Variants in PCDHGA1 observed in about 807,000 individuals in gnomAD.
PCDHGA1 encodes the protein protocadherin gamma subfamily A, 1, also known as protocadherin gamma-A1.
PCDHGA1 carries 32 observed loss-of-function variants against 58.0 expected under a neutral mutation model. The observed-to-expected ratio is 0.55, with a 90% CI of 0.42 to 0.74. The LOEUF is 0.74. PCDHGA1 is among the 30% of genes least tolerant of loss of function. The probability of loss-of-function intolerance (pLI) is 0.00; values close to 1 mark genes in which losing one functional copy is unlikely to be tolerated. For synonymous variants in PCDHGA1, 498 were observed against 501.1 expected, an observed-to-expected ratio of 0.99 and a Z score of 0.08; for missense variants, 1,205 against 1,182.3, an observed-to-expected ratio of 1.02 and a Z score of -0.28.
At chr5:141,355,857 C>G (rs567640077) in intron 1 of PCDHGA1, 4 of 1,612,456 alleles carry the variant, frequency 2.5e-6, no homozygotes, top group South Asian at 2.2e-5. Flanking sequence ...ATGGAGGTGA[C>G]CCGGTTCGCT....
At position 141,476,666 on chromosome 5, in the gene PCDHGA1, G is replaced by A. The variant is rs2099395856; in HGVS notation, c.2422-18141G>A. On this transcript the variant is annotated intron_variant, in intron 1 of 3. Coordinates refer to ENST00000517417, the MANE Select transcript of PCDHGA1 (RefSeq NM_018912.3). The surrounding 1 kb of genome is among the most constrained non-coding windows in gnomAD (Gnocchi z 7.6). The stretch of plus-strand genomic sequence containing the variant: ...CCGAAATGAATACTTTGCGCTTCGC[G>A]TGCAGACGCGGGAGGACAGCACCAA... 6.2e-7 allele frequency: 1 copy of A among 1,614,128 alleles called. No individual in the cohort carries two copies.
chr5:141,335,137 C>G (rs1756552068), intron 1 of PCDHGA1, among the ~76,000 whole-genome samples: 1 of 152,036 alleles, frequency 6.6e-6, no homozygotes, highest in Non-Finnish European at 1.5e-5. Context: ...TTGCTTGGTA[C>G]CAAGAGTATA....
chr5:141,421,817 T>A (rs375019903), intron 1 of PCDHGA1: 34 of 1,613,662 alleles, frequency 2.1e-5, no homozygotes, highest in Non-Finnish European at 2.8e-5. Context: ...GAGCTAGTAC[T>A]GGAGGGAAGC....
rs746903142 is a variant in PCDHGA1, at chr5:141,491,667, G to T, written c.2422-3140G>T. ...TGGCGCTGGAGCCTGACGCCATCCG[G>T]TCCCGCTCTAATACGCTGCGGGAGC... On this transcript the variant is annotated intron_variant, in intron 1 of 3. Coordinates refer to ENST00000517417, the MANE Select transcript of PCDHGA1 (RefSeq NM_018912.3). The surrounding 1 kb of genome is among the most constrained non-coding windows in gnomAD (Gnocchi z 6.9). 1.9e-6 allele frequency: 3 copies of T among 1,613,794 alleles called. No individual in the cohort carries two copies. Among genetic ancestry groups the T allele is most frequent in the Admixed American group, 1.7e-5 (1 of 60,032 alleles).
chr5:141,499,073 G>T (rs2099789305), intron 2 of PCDHGA1, among the ~76,000 whole-genome samples: 1 of 152,064 alleles, frequency 6.6e-6, no homozygotes, highest in Admixed American at 6.5e-5. Flanking sequence ...CTTACATTCT[G>T]AAGTTCCTGC....
At chr5:141,356,461 A>G in intron 1 of PCDHGA1, 2 of 1,613,614 alleles carry the variant, frequency 1.2e-6, no homozygotes, top group Non-Finnish European at 1.7e-6. Context: ...ATATAACATC[A>G]CTGTAACTGC....
intron 1 of PCDHGA1, chr5:141,424,478 G>A (rs953233220): frequency 3.3e-5 from 5 of 151,898 alleles, no homozygotes; most frequent in Admixed American, 6.6e-5. Context: ...CTTTTACTTT[G>A]GTGTCTGTGT....
intron 1 of PCDHGA1, chr5:141,343,874 C>CAGAA: frequency 1.7e-6 from 1 of 605,888 alleles, no homozygotes; most frequent in Non-Finnish European, 2.8e-6. Context: ...AAATCAGACT[C>CAGAA]AGAAGATCCG....
At chr5:141,459,237 C>T (rs1004453705) in intron 1 of PCDHGA1, among the ~76,000 whole-genome samples, 1 of 152,214 alleles carries the variant, frequency 6.6e-6, no homozygotes, top group Admixed American at 6.5e-5. Flanking sequence ...AACTGGTCTG[C>T]TTCCTGTCAC....
At chr5:141,372,341 A>T in intron 1 of PCDHGA1, 1 of 1,613,800 alleles carries the variant, frequency 6.2e-7, no homozygotes, top group Non-Finnish European at 8.5e-7. Context: ...TGCGTGATGG[A>T]GGACAGCAGC....
Position 141,485,444 on chromosome 5 carries a change from G to T in PCDHGA1, c.2422-9363G>T. 1 of 1,614,108 alleles carries T rather than the reference G, an allele frequency of 6.2e-7. No homozygotes were observed. The highest frequency in any genetic ancestry group is 8.5e-7 in the Non-Finnish European group (1 of 1,180,020). ...AGCCCTGCTCATCAAGAACCCAATC[G>T]ACCGAGAGGCACTGTGTGGGCTCAG... is the stretch of plus-strand genomic sequence containing the variant. On this transcript the variant is annotated intron_variant, in intron 1 of 3. Coordinates refer to ENST00000517417, the MANE Select transcript of PCDHGA1 (RefSeq NM_018912.3). This position sits in a 1 kb window ranked among gnomAD's most constrained non-coding sequence, Gnocchi z 5.7.
chr5:141,404,934 C>G, intron 1 of PCDHGA1: 1 of 1,613,986 alleles, frequency 6.2e-7, no homozygotes. Context: ...GTCACGCTCA[C>G]AGTAGCCATA....
chr5:141,354,620 T>G (rs1401414330), intron 1 of PCDHGA1, among the ~76,000 whole-genome samples: 1 of 152,218 alleles, frequency 6.6e-6, no homozygotes. Flanking sequence ...CCCACTGTCT[T>G]TTCACTTATC....
At chr5:141,374,785 T>A in intron 1 of PCDHGA1, 1 of 1,613,874 alleles carries the variant, frequency 6.2e-7, no homozygotes, top group Non-Finnish European at 8.5e-7. Context: ...CAGTTCTAGA[T>A]GTGAATGACA....
In PCDHGA1 at chr5:141,431,716, G is replaced by T; in HGVS notation, c.2422-63091G>T. On this transcript the variant is annotated intron_variant, in intron 1 of 3. Transcript: ENST00000517417. The surrounding 1 kb of genome is among the most constrained non-coding windows in gnomAD (Gnocchi z 4.8). ...AGTCAGGATTCTACCAGATGGAAGT[G>T]CAAGCAATGGATAATGCAGGATATT... 1 of 1,614,244 alleles carries T rather than the reference G, an allele frequency of 6.2e-7. No homozygotes were observed. Among genetic ancestry groups the T allele is most frequent in the Middle Eastern group, 1.6e-4 (1 of 6,062 alleles).
intron 1 of PCDHGA1, among the ~76,000 whole-genome samples, chr5:141,359,515 G>T (rs1048749535): frequency 6.7e-6 from 1 of 149,788 alleles, no homozygotes; most frequent in Non-Finnish European, 1.5e-5. Context: ...ACTATATTAT[G>T]GGCCACTAGA....
At chr5:141,378,382 G>C (rs1774857490) in intron 1 of PCDHGA1, 1 of 152,274 alleles carries the variant, frequency 6.6e-6, no homozygotes, top group South Asian at 2.1e-4. Context: ...AATTAGCCAG[G>C]TGGGGTGGCA....
At position 141,419,726 on chromosome 5, in the gene PCDHGA1, A is replaced by AC. The variant is rs757890106; in HGVS notation, c.2422-75080dup. On this transcript the variant is annotated intron_variant, in intron 1 of 3. Coordinates refer to ENST00000517417, the MANE Select transcript of PCDHGA1 (RefSeq NM_018912.3). ...CGGGCTCTTCAGCCTGGGGCTGCGA[A>AC]CAGGCGAGGTGCGCATGGTGCGTGC... 3.1e-6 allele frequency: 5 copies of AC among 1,613,402 alleles called. No individual in the cohort carries two copies. The Admixed American group carries it at 8.3e-5, about 27-fold the overall frequency.
intron 1 of PCDHGA1, chr5:141,419,377 C>A (rs2096371335): frequency 6.2e-7 from 1 of 1,613,572 alleles, no homozygotes; most frequent in African/African-American, 1.3e-5. Flanking sequence ...CCTACGTGTC[C>A]GTGAGCGCGC....
Sources: allele counts gnomAD v4.1 joint callset (sites outside exome capture counted in the v4.1 genomes callset), GRCh38; gene constraint gnomAD v4.1.1; non-coding constraint Gnocchi (gnomAD v3.1); transcripts MANE v1.5; gene names NCBI Gene and HGNC (gene_info 2026-07-23, HGNC 2026-07-21).